ZFP62: variants seen among roughly 807,000 people sequenced by gnomAD.
The protein encoded by ZFP62 is ZFP62 zinc finger protein.
ZFP62 carries 44 observed loss-of-function variants against 56.4 expected under a neutral mutation model. The ratio of observed to expected loss-of-function variants is 0.78; its 90% CI spans 0.61 to 1.00. ZFP62 has a LOEUF of 1.00. Among genes scored for constraint, ZFP62 ranks in the 50% least tolerant of loss-of-function variants. The pLI is 0.00. For missense variants in ZFP62, 1,030 were observed against 1,085.7 expected, an observed-to-expected ratio of 0.95 and a Z score of 0.72; for synonymous variants, 421 against 388.9, an observed-to-expected ratio of 1.08 and a Z score of -0.97.
At chr5:180,838,388 G>A in the ZFP62 span, among the ~76,000 whole-genome samples, 3 of 152,282 alleles carry the variant, frequency 2.0e-5, no homozygotes, top group East Asian at 5.8e-4. Context: ...GAAGGGCTGA[G>A]GCACCATTCT....
downstream of ZFP62, among the ~76,000 whole-genome samples, chr5:180,843,796 G>A (rs1227471775): frequency 6.6e-6 from 1 of 152,126 alleles, no homozygotes; most frequent in Admixed American, 6.5e-5. Context: ...GACTGCATGC[G>A]GCATCTGCAG....
At chr5:180,842,454 A>G in the ZFP62 span, among the ~76,000 whole-genome samples, 2 of 152,262 alleles carry the variant, frequency 1.3e-5, no homozygotes, top group African/African-American at 4.8e-5. Context: ...TAAACCGAAG[A>G]TTAAAAAAAT....
chr5:180,858,282 A>AAAAAAAG (rs1561911044), intron 1 of ZFP62, among the ~76,000 whole-genome samples: 13 of 138,048 alleles, frequency 9.4e-5, no homozygotes, highest in African/African-American at 3.3e-4. Flanking sequence ...AAAAAAAGAA[A>AAAAAAAG]AAAAGAAAAG....
At chr5:180,837,872 C>T in the ZFP62 span, among the ~76,000 whole-genome samples, 3 of 152,210 alleles carry the variant, frequency 2.0e-5, no homozygotes, top group East Asian at 1.9e-4. Context: ...AAGGGACAGC[C>T]GCCCTCCTCC....
At chr5:180,853,276 T>C (rs1773807084) in intron 1 of ZFP62, among the ~76,000 whole-genome samples, 1 of 152,214 alleles carries the variant, frequency 6.6e-6, no homozygotes, top group Non-Finnish European at 1.5e-5. Flanking sequence ...TATGGAGCAA[T>C]CTGTATATCC....
the ZFP62 span, chr5:180,834,680 C>A: frequency 4.6e-5 from 7 of 152,086 alleles, no homozygotes; most frequent in African/African-American, 7.2e-5. Context: ...TAGGAGACCC[C>A]AAGATATTTA....
In ZFP62 at chr5:180,861,237, G is replaced by A. The variant is rs1756071409; in HGVS notation, c.-18C>T. 2 of 397,446 alleles carry A rather than the reference G, an allele frequency of 5.0e-6. No individual in the cohort carries two copies. The highest frequency in any genetic ancestry group is 8.9e-6 in the Non-Finnish European group (2 of 225,624). The allele number at this position is 397,446 out of a possible 1,614,324, so 24.6% of individuals were successfully genotyped here. ...CACGTACTGGCTGTGGCGGCGCCGC[G>A]GGAACCCGGCCGCCAGCGGGACAAA... On this transcript the variant is annotated 5_prime_UTR_variant, in exon 1 of 2. Coordinates refer to ENST00000502412, the MANE Select transcript of ZFP62 (RefSeq NM_001172638.2).
chr5:180,831,557 C>T, the ZFP62 span: 1 of 152,304 alleles, frequency 6.6e-6, no homozygotes, highest in Non-Finnish European at 1.5e-5. Context: ...AAATTAGAAC[C>T]GGCCTATGCG....
At chr5:180,854,490 A>G (rs924698501) in intron 1 of ZFP62, among the ~76,000 whole-genome samples, 18 of 152,240 alleles carry the variant, frequency 1.2e-4, no homozygotes, top group African/African-American at 4.1e-4. Flanking sequence ...GGATCAGGAG[A>G]GAATCATCAG....
At chr5:180,858,998 C>T (rs903638626) in intron 1 of ZFP62, among the ~76,000 whole-genome samples, 1 of 152,204 alleles carries the variant, frequency 6.6e-6, no homozygotes, top group African/African-American at 2.4e-5. Flanking sequence ...CATGCTTTAT[C>T]GCCAAGGCCT....
the ZFP62 span, chr5:180,830,253 A>C: frequency 6.6e-6 from 1 of 152,300 alleles, no homozygotes; most frequent in East Asian, 1.9e-4. Context: ...GAGTTTGGGG[A>C]GGTCTCATGG....
rs1756075346 is a variant in ZFP62, at chr5:180,861,260, A to G, written c.-41T>C. ...GCGGGAACCCGGCCGCCAGCGGGAC[A>G]AAAGCGCGGACCGCACGGCCGGAAG... is the stretch of plus-strand genomic sequence containing the variant. On this transcript the variant is annotated 5_prime_UTR_variant, in exon 1 of 2. Transcript: ENST00000502412. 2 of 397,652 alleles carry G rather than the reference A, an allele frequency of 5.0e-6. No individual in the cohort carries two copies. Among genetic ancestry groups the G allele is most frequent in the East Asian group, 3.6e-5 (1 of 28,028 alleles). 24.6% of individuals were successfully genotyped at this position (397,652 alleles called of 1,614,324 possible).
In ZFP62 at chr5:180,848,305, A is replaced by C; in HGVS notation, c.*487T>G. 3 of 985,680 alleles carry C rather than the reference A, an allele frequency of 3.0e-6. No homozygotes were observed. Among genetic ancestry groups the C allele is most frequent in the Non-Finnish European group, 3.6e-6 (3 of 830,132 alleles). 61.1% of individuals were successfully genotyped at this position (985,680 alleles called of 1,614,324 possible). A position where few individuals can be genotyped will look rare whatever the true frequency, so the allele number is the denominator to read the frequency against. On this transcript the variant is annotated 3_prime_UTR_variant, in exon 2 of 2. Transcript: ENST00000502412. Reference sequence around the variant, plus strand: ...ACTTAAAGACCACTAATATTAAATAAATTTATATTCCCTGAAACCTATCCT... The same window carrying C: ...ACTTAAAGACCACTAATATTAAATACATTTATATTCCCTGAAACCTATCCT...
intron 1 of ZFP62, among the ~76,000 whole-genome samples, chr5:180,859,548 A>T (rs1174227656): frequency 6.6e-6 from 1 of 152,240 alleles, no homozygotes; most frequent in Non-Finnish European, 1.5e-5. Context: ...TTTTCCTTAA[A>T]GTAAAAAACT....
At chr5:180,842,026 G>A in the ZFP62 span, among the ~76,000 whole-genome samples, 15 of 152,172 alleles carry the variant, frequency 9.9e-5, no homozygotes, top group East Asian at 3.9e-4. Context: ...AACCTTGGGC[G>A]ACAGAGTGAT....
At chr5:180,831,891 C>T in the ZFP62 span, 1 of 153,080 alleles carries the variant, frequency 6.5e-6, no homozygotes, top group African/African-American at 2.4e-5. Context: ...CCTCGGCCCT[C>T]AGCTGCCGGC....
chr5:180,838,890 G>A, the ZFP62 span, among the ~76,000 whole-genome samples: 1 of 152,140 alleles, frequency 6.6e-6, no homozygotes, highest in Non-Finnish European at 1.5e-5. Context: ...AAATTTAAAA[G>A]CAAATCTTAA....
At chr5:180,833,236 T>C in the ZFP62 span, among the ~76,000 whole-genome samples, 1 of 152,024 alleles carries the variant, frequency 6.6e-6, no homozygotes, top group Non-Finnish European at 1.5e-5. Context: ...ATCCCAGCAC[T>C]TTGGGAGGCT....
rs768217431 is a variant in ZFP62, at chr5:180,849,655, C to G, written c.1840G>C (p.Glu614Gln). The G allele has an allele frequency of 1.9e-5, 29 of 1,551,786 alleles. No homozygotes were observed. In the African/African-American group the frequency reaches 3.8e-4, roughly 21 times the overall value. The change falls in exon 2 of 2, where the codon GAG becomes CAG. Residue 614 changes from glutamate (E) to glutamine (Q), a missense_variant. By Grantham distance (29) the Glu-to-Gln change is conservative (BLOSUM62 2). Transcript: ENST00000502412. Reference protein sequence around the residue: ...LTNHKKVHLGEKPYKCDVCEK... With the variant: ...LTNHKKVHLGQKPYKCDVCEK... ...CACACATCACATTTGTAGGGCTTCT[C>G]CCCAAGATGAACTTTTTTGTGGTTT...
Sources: gnomAD v4.1 joint callset for allele counts (sites outside exome capture counted in the v4.1 genomes callset) on GRCh38, gnomAD v4.1.1 for gene constraint, MANE v1.5 for transcripts, NCBI Gene and HGNC (gene_info 2026-07-23, HGNC 2026-07-21) for gene names.